MCU: variants seen among roughly 807,000 people sequenced by gnomAD.
MCU encodes calcium uniporter protein, mitochondrial.
In MCU, 12 loss-of-function variants were observed where a neutral mutation model predicts 45.2. The ratio of observed to expected loss-of-function variants is 0.27; its 90% CI spans 0.17 to 0.43. The LOEUF (loss-of-function observed/expected upper bound fraction) is 0.43. Ranked by LOEUF, MCU falls within the 20% of genes least tolerant of loss-of-function variation. The pLI is 1.00. For synonymous variants in MCU, 160 were observed against 165.1 expected (o/e 0.97, Z 0.24); for missense variants, 324 against 436.7 (o/e 0.74, Z 2.30).
rs1197916728 is a variant in MCU at position 72,692,266 on chromosome 10, G to A, written c.115G>A (p.Val39Ile). 2.4e-6 allele frequency: 3 copies of A among 1,231,650 alleles called. No individual in the cohort carries two copies. The highest frequency in any genetic ancestry group is 8.5e-5 in the Admixed American group (2 of 23,502). The allele number at this position is 1,231,650 out of a possible 1,614,324, so 76.3% of individuals were successfully genotyped here. A position where few individuals can be genotyped will look rare whatever the true frequency, so the allele number is the denominator to read the frequency against. The change falls in exon 1 of 8, where the codon GTC becomes ATC. Residue 39 changes from valine to isoleucine, a missense_variant. Coordinates refer to ENST00000373053, the MANE Select transcript of MCU (RefSeq NM_138357.3). The stretch of plus-strand genomic sequence containing the variant: ...TGCCGGCTGCTTCCCTGGGCTGGGC[G>A]TCAGCCGCCACCGGCAGCAGCAGCA... ...LTAGCFPGLGVSRHRQQQHHR... is the reference protein window; with the variant it reads ...LTAGCFPGLGISRHRQQQHHR...
chr10:72,773,100 T>C (rs925530183), intron 1 of MCU, among the ~76,000 whole-genome samples: 1 of 152,144 alleles, frequency 6.6e-6, no homozygotes, highest in Non-Finnish European at 1.5e-5. Flanking sequence ...TCCCACCATG[T>C]TGGCCAGGCT....
intron 6 of MCU, among the ~76,000 whole-genome samples, chr10:72,874,099 G>A (rs1845585770): frequency 6.6e-6 from 1 of 152,072 alleles, no homozygotes; most frequent in Admixed American, 6.6e-5. Flanking sequence ...TTCTGGTTCT[G>A]CATAGTTTTT....
intron 1 of MCU, among the ~76,000 whole-genome samples, chr10:72,831,285 G>T (rs759064193): frequency 1.4e-4 from 22 of 152,158 alleles, no homozygotes; most frequent in East Asian, 1.3e-3. Flanking sequence ...GGGTGGAGGG[G>T]AGTCTGTAGT....
chr10:72,794,849 T>A (rs2132769421), intron 1 of MCU, among the ~76,000 whole-genome samples: 1 of 152,332 alleles, frequency 6.6e-6, no homozygotes, highest in East Asian at 1.9e-4. Flanking sequence ...TGATAGGGTC[T>A]ATAGAGTACC....
chr10:72,844,104 A>G (rs79045786), intron 2 of MCU, among the ~76,000 whole-genome samples: 5,989 of 152,154 alleles, frequency 0.039, 384 homozygotes, highest in African/African-American at 0.13. Flanking sequence ...ACAAAAAATT[A>G]GTCTGGGTGT....
chr10:72,728,848 A>G (rs1843134002), intron 1 of MCU, among the ~76,000 whole-genome samples: 1 of 152,234 alleles, frequency 6.6e-6, no homozygotes, highest in African/African-American at 2.4e-5. Context: ...GAACTATTGG[A>G]TACCATGGAG....
At chr10:72,879,038 T>C (rs552307997) in intron 6 of MCU, among the ~76,000 whole-genome samples, 5 of 151,964 alleles carry the variant, frequency 3.3e-5, no homozygotes, top group Non-Finnish European at 7.4e-5. Context: ...CCAAGGTGGG[T>C]GGATCACTTG....
At chr10:72,703,138 A>T (rs1314928705) in intron 1 of MCU, among the ~76,000 whole-genome samples, 2 of 152,216 alleles carry the variant, frequency 1.3e-5, no homozygotes, top group East Asian at 3.8e-4. Context: ...AGTATGCGCA[A>T]GAATAGCTGG....
intron 1 of MCU, among the ~76,000 whole-genome samples, chr10:72,747,347 ACT>A (rs895825049): frequency 2.6e-5 from 4 of 151,836 alleles, no homozygotes; most frequent in African/African-American, 9.7e-5. Context: ...ATTTTTAAAA[ACT>A]CTGAGTTTTT....
At chr10:72,712,872 A>G (rs1180274299) in intron 1 of MCU, among the ~76,000 whole-genome samples, 1 of 152,170 alleles carries the variant, frequency 6.6e-6, no homozygotes, top group African/African-American at 2.4e-5. Context: ...TGCAGAGTAC[A>G]CAGGGCAGAG....
At chr10:72,853,921 G>A (rs1000818148) in intron 2 of MCU, among the ~76,000 whole-genome samples, 5 of 152,074 alleles carry the variant, frequency 3.3e-5, no homozygotes, top group African/African-American at 1.2e-4. Context: ...ATCCCCTGAG[G>A]TCAGGAGTTC....
chr10:72,792,098 T>C (rs936347128), intron 1 of MCU, among the ~76,000 whole-genome samples: 2 of 152,160 alleles, frequency 1.3e-5, no homozygotes, highest in African/African-American at 4.8e-5. Context: ...AAACCAGATA[T>C]CCACACACAT....
intron 1 of MCU, among the ~76,000 whole-genome samples, chr10:72,725,126 G>C (rs1371010421): frequency 6.6e-6 from 1 of 151,802 alleles, no homozygotes; most frequent in Admixed American, 6.6e-5. Context: ...CACCACACCT[G>C]GCTAATTTTT....
At chr10:72,793,107 C>T (rs1844191894) in intron 1 of MCU, among the ~76,000 whole-genome samples, 1 of 152,128 alleles carries the variant, frequency 6.6e-6, no homozygotes, top group South Asian at 2.1e-4. Context: ...AAACTCCTGA[C>T]CTCAGGTGAT....
chr10:72,825,358 C>T (rs1280157005), intron 1 of MCU, among the ~76,000 whole-genome samples: 1 of 152,180 alleles, frequency 6.6e-6, no homozygotes, highest in East Asian at 1.9e-4. Context: ...TGTGTATATG[C>T]ATACATAAGC....
At chr10:72,795,331 G>A (rs1844226929) in intron 1 of MCU, among the ~76,000 whole-genome samples, 1 of 151,968 alleles carries the variant, frequency 6.6e-6, no homozygotes, top group South Asian at 2.1e-4. Context: ...CACATTTTTG[G>A]TTTTTGATAT....
At chr10:72,774,489 A>C (rs1299911807) in intron 1 of MCU, among the ~76,000 whole-genome samples, 1 of 152,158 alleles carries the variant, frequency 6.6e-6, no homozygotes, top group Non-Finnish European at 1.5e-5. Context: ...CAGGAAGAAA[A>C]GTGGTTCAAA....
At chr10:72,854,662 C>G (rs138309233) in intron 2 of MCU, among the ~76,000 whole-genome samples, 16 of 152,316 alleles carry the variant, frequency 1.1e-4, no homozygotes, top group African/African-American at 3.8e-4. Context: ...GCACCAGGGA[C>G]CAGTTTTGTG....
chr10:72,748,480 A>G (rs1843446780), intron 1 of MCU, among the ~76,000 whole-genome samples: 2 of 152,174 alleles, frequency 1.3e-5, no homozygotes, highest in Admixed American at 6.5e-5. Context: ...GTGATAAGTA[A>G]TAACTTTTTT....
Sources: allele counts gnomAD v4.1 joint callset (sites outside exome capture counted in the v4.1 genomes callset), GRCh38; gene constraint gnomAD v4.1.1; transcripts MANE v1.5; gene names NCBI Gene and HGNC (gene_info 2026-07-23, HGNC 2026-07-21).